The following SCN8A variants were observed in gnomAD, a reference collection of about 807,000 sequenced individuals.
The protein encoded by SCN8A is sodium voltage-gated channel alpha subunit 8, also known as sodium channel protein type 8 subunit alpha.
A neutral mutation model predicts 184.1 loss-of-function variants in SCN8A; 30 were observed. The observed-to-expected ratio is 0.16, with a 90% CI of 0.12 to 0.22. The LOEUF (loss-of-function observed/expected upper bound fraction) is 0.22, where lower values mean the gene tolerates loss of function less well. Among genes scored for constraint, SCN8A ranks in the 10% least tolerant of loss-of-function variants. The pLI is 1.00. For synonymous variants in SCN8A, 852 were observed against 907.0 expected, an observed-to-expected ratio of 0.94 and a Z score of 1.09; for missense variants, 1,057 against 2,498.9, an observed-to-expected ratio of 0.42 and a Z score of 12.30.
chr12:51,598,806 C>T (rs115082314), intron 1 of SCN8A, among the ~76,000 whole-genome samples: 1,906 of 152,134 alleles, frequency 0.013, 41 homozygotes, highest in African/African-American at 0.043. Context: ...CCCTGCTCCT[C>T]ACAGTTAGTT....
chr12:51,760,220 G>C (rs955379266), intron 14 of SCN8A, among the ~76,000 whole-genome samples: 1 of 152,180 alleles, frequency 6.6e-6, no homozygotes, highest in African/African-American at 2.4e-5. Context: ...GCATATCACA[G>C]TGCAAACAAG....
intron 14 of SCN8A, among the ~76,000 whole-genome samples, chr12:51,760,974 T>G (rs1942754027): frequency 6.6e-6 from 1 of 152,210 alleles, no homozygotes; most frequent in Non-Finnish European, 1.5e-5. Flanking sequence ...TTTAATTTTG[T>G]TCTCAGACTA....
Position 51,794,396 on chromosome 12 carries a change from A to G in SCN8A, c.4550A>G (p.Asp1517Gly). 6.2e-7 allele frequency: 1 copy of G among 1,611,770 alleles called. No individual in the cohort carries two copies. Among genetic ancestry groups the G allele is most frequent in the Non-Finnish European group, 8.5e-7 (1 of 1,178,210 alleles). ...AACAAAATCCAAGGAATCGTCTTTG[A>G]TTTTGTCACTCAGCAAGCCTTTGAC... is the stretch of plus-strand genomic sequence containing the variant. ...PLNKIQGIVF[D>G]FVTQQAFDIV... The change falls in exon 26 of 27, where the codon GAT becomes GGT. Residue 1517 changes from aspartate (D) to glycine (G), a missense_variant. Asp to Gly is a moderately conservative substitution (Grantham distance 94). Around this residue, in one of 19 missense-constraint regions of SCN8A, gnomAD observed 37 missense variants for 216.1 expected, o/e 0.17. Transcript: ENST00000627620.
intron 12 of SCN8A, among the ~76,000 whole-genome samples, chr12:51,739,880 G>T (rs1942391043): frequency 1.3e-5 from 2 of 152,182 alleles, no homozygotes; most frequent in African/African-American, 4.8e-5. Context: ...CTTCGGAGCT[G>T]GGAGCCCCAA....
chr12:51,754,185 A>G (rs1942637831), intron 14 of SCN8A, among the ~76,000 whole-genome samples: 3 of 152,170 alleles, frequency 2.0e-5, no homozygotes, highest in Admixed American at 1.3e-4. Flanking sequence ...TACAGCCTCT[A>G]TGTTATGTAG....
chr12:51,686,764 T>A (rs558956233), intron 4 of SCN8A, among the ~76,000 whole-genome samples: 1 of 152,162 alleles, frequency 6.6e-6, no homozygotes, highest in Non-Finnish European at 1.5e-5. Flanking sequence ...GTTTCCCTGT[T>A]TTTTGACTTC....
intron 19 of SCN8A, among the ~76,000 whole-genome samples, chr12:51,773,280 A>G (rs1003436899): frequency 3.9e-5 from 6 of 152,212 alleles, no homozygotes; most frequent in South Asian, 2.1e-4. Context: ...AGGTTGTCCT[A>G]TGCTTTAGCA....
At chr12:51,598,255 G>A (rs1939391198) in intron 1 of SCN8A, among the ~76,000 whole-genome samples, 1 of 152,108 alleles carries the variant, frequency 6.6e-6, no homozygotes, top group Non-Finnish European at 1.5e-5. Flanking sequence ...ATTTGGATGT[G>A]AACGTGGGGA....
intron 1 of SCN8A, among the ~76,000 whole-genome samples, chr12:51,656,869 A>G (rs1333175975): frequency 1.3e-5 from 2 of 152,154 alleles, no homozygotes; most frequent in Non-Finnish European, 1.5e-5. Context: ...GTTGGCAAGG[A>G]TATGGAGAAA....
chr12:51,651,571 A>G (rs1364302482), intron 1 of SCN8A, among the ~76,000 whole-genome samples: 1 of 152,224 alleles, frequency 6.6e-6, no homozygotes, highest in African/African-American at 2.4e-5. Context: ...TGATAAAACC[A>G]TCAGATCTCA....
At chr12:51,616,872 T>G (rs1464402446) in intron 1 of SCN8A, among the ~76,000 whole-genome samples, 1 of 150,596 alleles carries the variant, frequency 6.6e-6, no homozygotes, top group African/African-American at 2.4e-5. Flanking sequence ...TGAGCCATGA[T>G]CATGCCACTG....
chr12:51,647,538 C>G (rs896088218), intron 1 of SCN8A, among the ~76,000 whole-genome samples: 2 of 152,200 alleles, frequency 1.3e-5, no homozygotes, highest in Admixed American at 1.3e-4. Flanking sequence ...AACATGGTTG[C>G]AGACATTCAC....
At chr12:51,641,612 G>T (rs1309714014) in intron 1 of SCN8A, among the ~76,000 whole-genome samples, 3 of 152,194 alleles carry the variant, frequency 2.0e-5, no homozygotes, top group African/African-American at 7.2e-5. Flanking sequence ...GATGTATGTT[G>T]CCTTGCTTGT....
intron 20 of SCN8A, among the ~76,000 whole-genome samples, chr12:51,778,247 A>C (rs1937773688): frequency 6.6e-6 from 1 of 152,186 alleles, no homozygotes. Flanking sequence ...TTATGAGCAC[A>C]TGCATAGATC....
chr12:51,645,404 A>G (rs981291122), intron 1 of SCN8A, among the ~76,000 whole-genome samples: 1 of 150,474 alleles, frequency 6.6e-6, no homozygotes, highest in East Asian at 2.0e-4. Flanking sequence ...GGCCGCGCCT[A>G]CTGGGAAGTG....
chr12:51,800,698 T>C (rs303830), intron 26 of SCN8A, among the ~76,000 whole-genome samples: 130,838 of 152,186 alleles, frequency 0.86, 56,440 homozygotes, highest in East Asian at 0.98. Flanking sequence ...TCATTAATTA[T>C]CTGACCTCCA....
intron 16 of SCN8A, 38 bp from the exon 17 acceptor site, chr12:51,768,827 T>C: frequency 6.7e-7 from 1 of 1,499,612 alleles, no homozygotes; most frequent in Non-Finnish European, 8.9e-7. Flanking sequence ...GGATAACTTT[T>C]CTGCATTTGT....
At chr12:51,677,490 A>G (rs1434387480) in intron 2 of SCN8A, among the ~76,000 whole-genome samples, 1 of 152,008 alleles carries the variant, frequency 6.6e-6, no homozygotes, top group Non-Finnish European at 1.5e-5. Context: ...CAGTCCTGTG[A>G]TGACTGTGTG....
intron 1 of SCN8A, among the ~76,000 whole-genome samples, chr12:51,611,694 A>G (rs969076425): frequency 9.2e-5 from 14 of 152,082 alleles, no homozygotes; most frequent in Admixed American, 9.2e-4. Context: ...GGGTTTCACC[A>G]CATTGGTCAG....
Sources: gnomAD v4.1 joint callset for allele counts (sites outside exome capture counted in the v4.1 genomes callset) on GRCh38, gnomAD v4.1.1 for gene constraint, gnomAD v4.1.1 regional missense constraint, MANE v1.5 for transcripts, NCBI Gene and HGNC (gene_info 2026-07-23, HGNC 2026-07-21) for gene names.